ENTREP2: variants seen among roughly 807,000 people sequenced by gnomAD.
ENTREP2 encodes the protein protein ENTREP2.
the ENTREP2 span, among the ~76,000 whole-genome samples, chr15:29,401,798 A>G: frequency 2.0e-5 from 3 of 152,238 alleles, no homozygotes; most frequent in African/African-American, 7.2e-5. Context: ...TATGTGCATT[A>G]TAAAGTTTGA....
the ENTREP2 span, chr15:29,269,606 C>A: frequency 1.3e-6 from 2 of 1,560,852 alleles, no homozygotes; most frequent in Non-Finnish European, 1.7e-6. Context: ...CGGGCGTCTT[C>A]CCCGGCCCGC....
the ENTREP2 span, among the ~76,000 whole-genome samples, chr15:29,626,327 G>C: frequency 6.6e-6 from 1 of 152,122 alleles, no homozygotes; most frequent in Non-Finnish European, 1.5e-5. Flanking sequence ...TTGAATCATG[G>C]GGGCGGTTTC....
At chr15:29,306,105 C>G in the ENTREP2 span, among the ~76,000 whole-genome samples, 6 of 152,206 alleles carry the variant, frequency 3.9e-5, no homozygotes, top group Non-Finnish European at 7.3e-5. Context: ...CCCCAGGCAG[C>G]GCTGCGATAC....
chr15:29,539,631 C>A, the ENTREP2 span, among the ~76,000 whole-genome samples: 1 of 152,250 alleles, frequency 6.6e-6, no homozygotes. Flanking sequence ...CCTGCCTCCA[C>A]TCCTTATTCC....
At chr15:29,640,712 A>G in the ENTREP2 span, among the ~76,000 whole-genome samples, 3 of 151,630 alleles carry the variant, frequency 2.0e-5, no homozygotes, top group African/African-American at 7.3e-5. Context: ...AAAGATTCCC[A>G]CAAAGAAAAG....
the ENTREP2 span, among the ~76,000 whole-genome samples, chr15:29,317,870 G>A: frequency 4.6e-5 from 7 of 152,162 alleles, no homozygotes; most frequent in African/African-American, 1.7e-4. Context: ...GGAGGCGGGA[G>A]GCTGTGGTGA....
chr15:29,344,407 G>A, the ENTREP2 span, among the ~76,000 whole-genome samples: 1 of 152,110 alleles, frequency 6.6e-6, no homozygotes, highest in African/African-American at 2.4e-5. Flanking sequence ...TTTGTAGCAG[G>A]GAACTTCCTC....
At chr15:29,350,361 T>G in the ENTREP2 span, among the ~76,000 whole-genome samples, 1 of 152,320 alleles carries the variant, frequency 6.6e-6, no homozygotes. Flanking sequence ...TTCTCCATTA[T>G]TCATGTTTCT....
chr15:29,593,722 G>A, the ENTREP2 span, among the ~76,000 whole-genome samples: 1 of 152,198 alleles, frequency 6.6e-6, no homozygotes, highest in Non-Finnish European at 1.5e-5. Context: ...AGGTCACTCT[G>A]TGCATGTCAA....
the ENTREP2 span, among the ~76,000 whole-genome samples, chr15:29,400,030 G>T: frequency 1.3e-5 from 2 of 152,102 alleles, no homozygotes; most frequent in African/African-American, 4.8e-5. Context: ...AGGTCAACAG[G>T]ATCAATATTT....
chr15:29,385,691 G>A, the ENTREP2 span, among the ~76,000 whole-genome samples: 3 of 152,168 alleles, frequency 2.0e-5, no homozygotes, highest in African/African-American at 7.2e-5. Context: ...TGGGAGGGGG[G>A]CAAGGAAATG....
chr15:29,491,082 A>C, the ENTREP2 span, among the ~76,000 whole-genome samples: 431 of 152,292 alleles, frequency 2.8e-3, 2 homozygotes, highest in African/African-American at 9.9e-3. Flanking sequence ...CAGCAGTGCT[A>C]GGAGACCCAG....
At chr15:29,254,377 C>G in the ENTREP2 span, among the ~76,000 whole-genome samples, 1 of 152,024 alleles carries the variant, frequency 6.6e-6, no homozygotes, top group South Asian at 2.1e-4. Context: ...TCCAGTAGAA[C>G]GTAACTGATT....
the ENTREP2 span, among the ~76,000 whole-genome samples, chr15:29,287,944 C>T: frequency 0.51 from 78,135 of 152,048 alleles, 22,973 homozygotes; most frequent in Non-Finnish European, 0.68. Context: ...AAGTGACCCA[C>T]GGTTAGGAGG....
the ENTREP2 span, among the ~76,000 whole-genome samples, chr15:29,510,981 G>T: frequency 6.6e-6 from 1 of 152,070 alleles, no homozygotes; most frequent in Non-Finnish European, 1.5e-5. Context: ...ATAAGTGGGA[G>T]GTGAACAATG....
chr15:29,570,182 C>G, the ENTREP2 span, among the ~76,000 whole-genome samples: 1 of 151,682 alleles, frequency 6.6e-6, no homozygotes, highest in African/African-American at 2.4e-5. Context: ...AGGTCGTGTC[C>G]CCGGCGCGCG....
chr15:29,484,076 G>C, the ENTREP2 span, among the ~76,000 whole-genome samples: 29 of 152,108 alleles, frequency 1.9e-4, no homozygotes, highest in African/African-American at 6.5e-4. Context: ...GTTTTCCCAG[G>C]ATGTCAAAGC....
chr15:29,377,689 C>T, the ENTREP2 span, among the ~76,000 whole-genome samples: 5 of 151,764 alleles, frequency 3.3e-5, no homozygotes, highest in Non-Finnish European at 7.4e-5. Flanking sequence ...GGGCGTGGTG[C>T]GCACACCTTT....
the ENTREP2 span, among the ~76,000 whole-genome samples, chr15:29,208,906 T>C: frequency 6.6e-6 from 1 of 152,230 alleles, no homozygotes; most frequent in East Asian, 1.9e-4. Flanking sequence ...ACATGTTGAA[T>C]GAAAAAAGCA....
Sources: allele counts gnomAD v4.1 joint callset (sites outside exome capture counted in the v4.1 genomes callset), GRCh38; gene constraint gnomAD v4.1.1; transcripts MANE v1.5; gene names NCBI Gene and HGNC (gene_info 2026-07-23, HGNC 2026-07-21).